The following MSH3 variants were observed in gnomAD, a reference collection of about 807,000 sequenced individuals.
MSH3 encodes mutS homolog 3.
MSH3 carries 106 observed loss-of-function variants against 123.3 expected under a neutral mutation model. The observed-to-expected ratio is 0.86, with a 90% confidence interval of 0.73 to 1.01. The LOEUF (loss-of-function observed/expected upper bound fraction) is 1.01, where lower values mean the gene tolerates loss of function less well. Among genes scored for constraint, MSH3 ranks in the 50% least tolerant of loss-of-function variants. The pLI is 0.00. For synonymous variants in MSH3, 515 were observed against 481.4 expected (o/e 1.07, Z -0.91); for missense variants, 1,459 against 1,347.6 (o/e 1.08, Z -1.29).
intron 8 of MSH3, among the ~76,000 whole-genome samples, chr5:80,686,460 G>A (rs1420132409): frequency 4.0e-5 from 6 of 151,794 alleles, no homozygotes; most frequent in African/African-American, 1.2e-4. Flanking sequence ...GCACCACCAC[G>A]CCTGGCTAAT....
At chr5:80,739,521 G>A (rs1425437956) in intron 10 of MSH3, among the ~76,000 whole-genome samples, 1 of 152,186 alleles carries the variant, frequency 6.6e-6, no homozygotes, top group Non-Finnish European at 1.5e-5. Context: ...CAAAATGATT[G>A]CCTTCAGGGA....
intron 10 of MSH3, among the ~76,000 whole-genome samples, chr5:80,730,627 T>C (rs1219059499): frequency 6.6e-6 from 1 of 152,116 alleles, no homozygotes; most frequent in Admixed American, 6.6e-5. Flanking sequence ...TCAATCTGTA[T>C]GGTTGGTTGT....
intron 15 of MSH3, 44 bp from the exon 16 acceptor site, chr5:80,775,650 A>G (rs746417675): frequency 9.0e-7 from 1 of 1,108,498 alleles, no homozygotes; most frequent in South Asian, 1.3e-5. Context: ...TAAAATATAT[A>G]ATGGTTACTT....
At chr5:80,768,141 T>G (rs1744155555) in intron 14 of MSH3, 21 bp downstream of exon 14, 1 of 1,603,636 alleles carries the variant, frequency 6.2e-7, no homozygotes, top group South Asian at 1.1e-5. Context: ...GACCCTGAAT[T>G]CTTCCTTTTC....
intron 8 of MSH3, among the ~76,000 whole-genome samples, chr5:80,687,729 A>G (rs777445054): frequency 2.6e-5 from 4 of 152,216 alleles, no homozygotes; most frequent in Non-Finnish European, 4.4e-5. Flanking sequence ...GTGAAGGCCT[A>G]TGAAATCCAG....
intron 12 of MSH3, among the ~76,000 whole-genome samples, chr5:80,745,880 A>G (rs1304904901): frequency 1.3e-5 from 2 of 152,246 alleles, no homozygotes; most frequent in African/African-American, 4.8e-5. Flanking sequence ...ATTAATAAAT[A>G]GTCACTATTT....
intron 13 of MSH3, among the ~76,000 whole-genome samples, chr5:80,765,064 C>T (rs1435690928): frequency 6.6e-6 from 1 of 152,138 alleles, no homozygotes; most frequent in African/African-American, 2.4e-5. Context: ...GCCACTTACC[C>T]ATCCTCAGCT....
intron 17 of MSH3, among the ~76,000 whole-genome samples, chr5:80,782,532 G>C (rs1744429407): frequency 6.6e-6 from 1 of 152,134 alleles, no homozygotes; most frequent in Admixed American, 6.5e-5. Flanking sequence ...GAGCATGTTG[G>C]ATTTTAGCAT....
chr5:80,659,470 T>G (rs1749378980), intron 2 of MSH3, among the ~76,000 whole-genome samples: 1 of 152,236 alleles, frequency 6.6e-6, no homozygotes, highest in African/African-American at 2.4e-5. Context: ...TTGCCTATTC[T>G]GAACATTTCA....
Position 80,665,374 on chromosome 5 carries a change from G to T in MSH3, c.579+11G>T, listed in dbSNP as rs371881555. ...CAAATTAATCAAAAGGTATGTAACT[G>T]CTATAGATGAGTATCCAGTTACCTA... On this transcript the variant is annotated intron_variant, in intron 3 of 23. Coordinates refer to ENST00000265081, the MANE Select transcript of MSH3 (RefSeq NM_002439.5). 3.1e-6 allele frequency: 5 copies of T among 1,594,446 alleles called. No individual in the cohort carries two copies. The highest frequency in any genetic ancestry group is 4.3e-6 in the Non-Finnish European group (5 of 1,165,392).
chr5:80,656,599 A>G (rs999125997), intron 2 of MSH3, 68 bp downstream of exon 2: 3 of 1,601,666 alleles, frequency 1.9e-6, no homozygotes, highest in Admixed American at 1.7e-5. Flanking sequence ...TCCAGAGGGC[A>G]GAAGAGCGTA....
At chr5:80,756,649 C>T (rs6151769) in intron 12 of MSH3, among the ~76,000 whole-genome samples, 17,608 of 152,142 alleles carry the variant, frequency 0.12, 1,425 homozygotes, top group East Asian at 0.32. Context: ...CAGTTATAAT[C>T]TTATTACATT....
chr5:80,762,263 A>G (rs556285422), intron 13 of MSH3, among the ~76,000 whole-genome samples: 19 of 152,158 alleles, frequency 1.2e-4, no homozygotes, highest in Admixed American at 1.1e-3. Context: ...AAAATTATTA[A>G]TATTTTTAAA....
intron 15 of MSH3, among the ~76,000 whole-genome samples, 194 bp from the exon 16 acceptor site, chr5:80,775,500 A>G (rs1187088955): frequency 6.6e-6 from 1 of 152,170 alleles, no homozygotes; most frequent in Non-Finnish European, 1.5e-5. Context: ...TACAAATTGT[A>G]CTTTGTCCCA....
At chr5:80,720,887 A>C (rs1375625666) in intron 8 of MSH3, among the ~76,000 whole-genome samples, 2 of 152,150 alleles carry the variant, frequency 1.3e-5, no homozygotes, top group African/African-American at 4.8e-5. Flanking sequence ...ATTTATAAAC[A>C]GTTCATTTTT....
intron 4 of MSH3, among the ~76,000 whole-genome samples, chr5:80,671,082 C>T (rs1749714322): frequency 1.3e-5 from 2 of 151,326 alleles, no homozygotes; most frequent in Non-Finnish European, 2.9e-5. Flanking sequence ...GAGATCCTGC[C>T]ATTGCACTCT....
chr5:80,778,761 A>G lies in MSH3; in HGVS notation c.2360A>G (p.Glu787Gly), dbSNP rs139119736. ...VSRFHSPFIV[E>G]NYRHLNQLRE... is the part of the protein sequence containing the mutation. ...CGCTTTCACTCTCCTTTTATTGTAG[A>G]AAATTACAGACATCTGAATCAGCTC... is the stretch of plus-strand genomic sequence containing the variant. The change falls in exon 17 of 24, where the codon GAA becomes GGA. Residue 787 changes from glutamate (E) to glycine (G), a missense_variant. Glu to Gly is a moderately conservative substitution (Grantham distance 98). Coordinates refer to ENST00000265081, the MANE Select transcript of MSH3 (RefSeq NM_002439.5). The G allele has an allele frequency of 2.5e-6, 4 of 1,613,304 alleles. No homozygotes were observed. Among genetic ancestry groups the G allele is most frequent in the African/African-American group, 2.7e-5 (2 of 74,926 alleles).
At chr5:80,825,121 G>A (rs1434831741) in intron 20 of MSH3, among the ~76,000 whole-genome samples, 3 of 152,010 alleles carry the variant, frequency 2.0e-5, no homozygotes, top group Non-Finnish European at 4.4e-5. Flanking sequence ...TAATTCAGAC[G>A]TATAATAATC....
At chr5:80,720,544 T>G (rs778001240) in intron 8 of MSH3, among the ~76,000 whole-genome samples, 50 of 152,146 alleles carry the variant, frequency 3.3e-4, no homozygotes, top group Admixed American at 7.9e-4. Flanking sequence ...TATCGTTCAT[T>G]CTGAGAAGTT....
Sources: gnomAD v4.1 joint callset for allele counts (sites outside exome capture counted in the v4.1 genomes callset) on GRCh38, gnomAD v4.1.1 for gene constraint, MANE v1.5 for transcripts, NCBI Gene and HGNC (gene_info 2026-07-23, HGNC 2026-07-21) for gene names.